The following IMPA2 variants were observed in gnomAD, a reference collection of about 807,000 sequenced individuals.
IMPA2 encodes inositol monophosphatase 2.
IMPA2 carries 32 observed loss-of-function variants against 35.1 expected under a neutral mutation model. The ratio of observed to expected loss-of-function variants is 0.91; its 90% confidence interval spans 0.69 to 1.23. The LOEUF (loss-of-function observed/expected upper bound fraction) is 1.23, where lower values mean the gene tolerates loss of function less well. IMPA2 is among the 50% of genes most tolerant of loss of function. The pLI is 0.00. For missense variants in IMPA2, 334 were observed against 387.6 expected (o/e 0.86, Z 1.16); for synonymous variants, 135 against 160.6 (o/e 0.84, Z 1.20).
chr18:12,000,495 A>T (rs1346160310), intron 2 of IMPA2, among the ~76,000 whole-genome samples: 5 of 151,328 alleles, frequency 3.3e-5, no homozygotes, highest in African/African-American at 1.2e-4. Context: ...CCAGTCGCTC[A>T]TGTTTGTTTT....
At chr18:12,029,142 G>T (rs1395602608) in intron 7 of IMPA2, 149 bp downstream of exon 7, 2 of 711,258 alleles carry the variant, frequency 2.8e-6, no homozygotes, top group Admixed American at 3.1e-5. Context: ...TTGAGACGGG[G>T]TCTTGGTGTC....
At position 12,014,311 on chromosome 18, in the gene IMPA2, C is replaced by T. The variant is rs147748580; in HGVS notation, c.428C>T (p.Thr143Met). 207 of 1,611,804 alleles carry T rather than the reference C, an allele frequency of 1.3e-4. No individual in the cohort carries two copies. The highest frequency in any genetic ancestry group is 1.6e-4 in the Non-Finnish European group (184 of 1,179,158). Residue 143 changes from threonine to methionine, a missense_variant, in exon 5 of 8, where the codon ACG (threonine) becomes ATG (methionine). By Grantham distance (81) the Thr-to-Met change is moderately conservative (BLOSUM62 -1). Transcript: ENST00000269159. Reference protein sequence around the residue: ...IYHCTEERLYTGRRGRGAFCN... With the variant: ...IYHCTEERLYMGRRGRGAFCN... ...CACTGCACAGAGGAGCGGCTGTACA[C>T]GGGCCGGCGGGGTCGGGGCGCCTTC... is the stretch of plus-strand genomic sequence containing the variant.
In IMPA2 at chr18:12,030,335, G is replaced by C; in HGVS notation, c.752-8G>C. The stretch of plus-strand genomic sequence containing the variant: ...CCCGGATGCCTGGCTCTCTCTGTCT[G>C]TCCCCAGGTGGACCCCTCGACCTCA... On this transcript the variant is annotated splice_polypyrimidine_tract_variant and splice_region_variant and intron_variant, in intron 7 of 7. Transcript: ENST00000269159. 2 of 1,611,664 alleles carry C rather than the reference G, an allele frequency of 1.2e-6. No individual in the cohort carries two copies. The highest frequency in any genetic ancestry group is 1.7e-6 in the Non-Finnish European group (2 of 1,177,732).
chr18:12,015,569 A>G (rs1342468164), intron 5 of IMPA2, among the ~76,000 whole-genome samples: 1 of 152,078 alleles, frequency 6.6e-6, no homozygotes, highest in Non-Finnish European at 1.5e-5. Context: ...AAAGGAGAGG[A>G]GGTGGCTGCA....
intron 1 of IMPA2, among the ~76,000 whole-genome samples, chr18:11,996,926 C>T (rs908809965): frequency 6.6e-6 from 1 of 151,848 alleles, no homozygotes; most frequent in African/African-American, 2.4e-5. Flanking sequence ...CCTGCATCTT[C>T]CCACACCACA....
intron 5 of IMPA2, among the ~76,000 whole-genome samples, chr18:12,025,411 T>TG (rs1485026023): frequency 9.2e-5 from 14 of 152,194 alleles, no homozygotes; most frequent in Non-Finnish European, 4.4e-5. Flanking sequence ...CTGGACGGTA[T>TG]GGTAAGAGTA....
At chr18:11,997,502 A>G (rs1906993719) in intron 1 of IMPA2, among the ~76,000 whole-genome samples, 1 of 152,108 alleles carries the variant, frequency 6.6e-6, no homozygotes, top group Non-Finnish European at 1.5e-5. Flanking sequence ...TGCAACCAAG[A>G]TTAAAACAAA....
At chr18:11,987,397 C>T (rs912177574) in intron 1 of IMPA2, among the ~76,000 whole-genome samples, 1 of 152,200 alleles carries the variant, frequency 6.6e-6, no homozygotes, top group Non-Finnish European at 1.5e-5. Context: ...GTGGCGTGAT[C>T]TTGGCTCATC....
In IMPA2 at chr18:12,014,347, A is replaced by C; in HGVS notation, c.464A>C (p.Gln155Pro). The C allele has an allele frequency of 1.2e-6, 2 of 1,603,188 alleles. No individual in the cohort carries two copies. The highest frequency in any genetic ancestry group is 1.7e-6 in the Non-Finnish European group (2 of 1,174,536). The change falls in exon 5 of 8, where the codon CAG becomes CCG. Residue 155 changes from glutamine to proline, a missense_variant. Gln to Pro is a moderately conservative substitution (Grantham distance 76). Transcript: ENST00000269159. Reference sequence around the variant, plus strand: ...GGTCGGGGCGCCTTCTGCAATGGCCAGCGGCTCCGGGTCTCCGGGGAGACA... The same window carrying C: ...GGTCGGGGCGCCTTCTGCAATGGCCCGCGGCTCCGGGTCTCCGGGGAGACA... The part of the protein sequence containing the change: ...RRGRGAFCNG[Q>P]RLRVSGETDL...
intron 4 of IMPA2, 52 bp downstream of exon 4, chr18:12,012,267 ATCCT>A (rs1321997121): frequency 6.7e-7 from 1 of 1,495,982 alleles, no homozygotes; most frequent in Non-Finnish European, 9.3e-7. Context: ...CCCTCTGGCC[ATCCT>A]TCCTTTCTGG....
At chr18:11,986,927 G>A (rs952217644) in intron 1 of IMPA2, among the ~76,000 whole-genome samples, 3 of 152,208 alleles carry the variant, frequency 2.0e-5, no homozygotes, top group East Asian at 3.9e-4. Flanking sequence ...GCCCGGCAGT[G>A]TATTCCTTTC....
At chr18:12,001,515 T>G (rs1907115661) in intron 2 of IMPA2, among the ~76,000 whole-genome samples, 1 of 152,200 alleles carries the variant, frequency 6.6e-6, no homozygotes. Flanking sequence ...TTGGACAAAC[T>G]GCACTCTGAG....
chr18:11,981,707 C>T lies in IMPA2; in HGVS notation c.38C>T (p.Ala13Val). The change falls in exon 1 of 8, where the codon GCC (alanine) becomes GTC (valine). Residue 13 changes from alanine (A) to valine (V), a missense_variant. Transcript: ENST00000269159. ...GGCGAGGACCAGGCGGCGCTGGCGG[C>T]CGGCCCCTGGGAGGAGTGCTTCCAG... ...PSGEDQAALA[A>V]GPWEECFQAA... 8.1e-7 allele frequency: 1 copy of T among 1,230,676 alleles called. No homozygotes were observed. The highest frequency in any genetic ancestry group is 1.0e-6 in the Non-Finnish European group (1 of 987,038). The allele number at this position is 1,230,676 out of a possible 1,614,324, so 76.2% of individuals were successfully genotyped here.
intron 2 of IMPA2, among the ~76,000 whole-genome samples, chr18:11,999,404 A>G (rs138031822): frequency 2.6e-5 from 4 of 152,350 alleles, no homozygotes; most frequent in Non-Finnish European, 5.9e-5. Context: ...CATCACGTCA[A>G]TGCATCCTCT....
At chr18:12,001,904 C>T (rs570096367) in intron 2 of IMPA2, among the ~76,000 whole-genome samples, 2 of 152,216 alleles carry the variant, frequency 1.3e-5, no homozygotes, top group East Asian at 1.9e-4. Context: ...ACTGTGGCTG[C>T]ACCACGGACA....
chr18:12,008,216 G>C (rs1017443157), intron 2 of IMPA2: 1 of 446,340 alleles, frequency 2.2e-6, no homozygotes, highest in Non-Finnish European at 4.5e-6. Context: ...GGCTGATCTC[G>C]AACTCCTGAC....
chr18:11,999,278 T>G, intron 2 of IMPA2, 91 bp downstream of exon 2: 1 of 1,305,346 alleles, frequency 7.7e-7, no homozygotes, highest in Non-Finnish European at 1.1e-6. Flanking sequence ...GCTCTGCTGT[T>G]TGTTGATGTG....
chr18:12,006,599 C>T (rs943547409), intron 2 of IMPA2, among the ~76,000 whole-genome samples: 1 of 152,190 alleles, frequency 6.6e-6, no homozygotes, highest in African/African-American at 2.4e-5. Context: ...CTCAGAAGCC[C>T]CTGCTTATTC....
At chr18:12,027,411 AG>A (rs2143827774) in intron 5 of IMPA2, among the ~76,000 whole-genome samples, 1 of 152,248 alleles carries the variant, frequency 6.6e-6, no homozygotes, top group Admixed American at 6.5e-5. Context: ...CCCTTTCCAA[AG>A]CAGCATTATT....
Sources: gnomAD v4.1 joint callset for allele counts (sites outside exome capture counted in the v4.1 genomes callset) on GRCh38, gnomAD v4.1.1 for gene constraint, MANE v1.5 for transcripts, NCBI Gene and HGNC (gene_info 2026-07-23, HGNC 2026-07-21) for gene names.